Variants in RNF216 observed in about 807,000 individuals in gnomAD.
The protein encoded by RNF216 is E3 ubiquitin-protein ligase RNF216.
In RNF216, 72 loss-of-function variants were observed where a neutral mutation model predicts 110.8. That is an observed-to-expected ratio of 0.65 (90% confidence interval 0.54 to 0.79). The LOEUF (loss-of-function observed/expected upper bound fraction) is 0.79. RNF216 is among the 30% of genes least tolerant of loss of function. The pLI is 0.00. For missense variants in RNF216, 1,342 were observed against 1,141.2 expected, an observed-to-expected ratio of 1.18 and a Z score of -2.54; for synonymous variants, 495 against 407.5, an observed-to-expected ratio of 1.21 and a Z score of -2.59.
chr7:5,639,432 C>A (rs1787597005), intron 15 of RNF216, among the ~76,000 whole-genome samples: 1 of 152,054 alleles, frequency 6.6e-6, no homozygotes, highest in Non-Finnish European at 1.5e-5. Context: ...ACCCAAAGTG[C>A]CGGGATTACA....
chr7:5,654,871 C>T (rs1788635237), intron 13 of RNF216, among the ~76,000 whole-genome samples: 1 of 151,706 alleles, frequency 6.6e-6, no homozygotes, highest in South Asian at 2.1e-4. Flanking sequence ...TAACTATTAC[C>T]CACCGAAACA....
chr7:5,755,854 A>G (rs143765040), intron 2 of RNF216, among the ~76,000 whole-genome samples: 2 of 152,330 alleles, frequency 1.3e-5, no homozygotes, highest in African/African-American at 4.8e-5. Context: ...ATTTTGGCAG[A>G]TAACACTAAA....
chr7:5,716,577 A>G (rs972819499), intron 10 of RNF216, 139 bp downstream of exon 10: 11 of 618,848 alleles, frequency 1.8e-5, no homozygotes, highest in South Asian at 1.7e-4. Context: ...GTATCTGACT[A>G]TAACTTGGCT....
intron 1 of RNF216, among the ~76,000 whole-genome samples, chr7:5,773,129 C>G (rs1489413193): frequency 6.6e-6 from 1 of 152,006 alleles, no homozygotes; most frequent in African/African-American, 2.4e-5. Flanking sequence ...AAGTTTGGGT[C>G]TCTCATTTGA....
At chr7:5,702,753 G>C (rs1203667005) in intron 13 of RNF216, among the ~76,000 whole-genome samples, 1 of 152,166 alleles carries the variant, frequency 6.6e-6, no homozygotes, top group Non-Finnish European at 1.5e-5. Context: ...ATTTTAAAAA[G>C]TGAAAACTGA....
intron 13 of RNF216, among the ~76,000 whole-genome samples, chr7:5,708,065 G>A (rs1792415451): frequency 6.6e-6 from 1 of 152,172 alleles, no homozygotes; most frequent in African/African-American, 2.4e-5. Context: ...TTTTCTTGCT[G>A]TTTGTGATTT....
At chr7:5,781,262 G>A (rs577106987) in intron 1 of RNF216, among the ~76,000 whole-genome samples, 73 of 152,222 alleles carry the variant, frequency 4.8e-4, no homozygotes, top group African/African-American at 1.6e-3. Context: ...GACCCGAGGG[G>A]CCGGCCCGCG....
chr7:5,769,065 A>C (rs1225419307), intron 1 of RNF216, among the ~76,000 whole-genome samples: 1 of 152,028 alleles, frequency 6.6e-6, no homozygotes, highest in Non-Finnish European at 1.5e-5. Context: ...AATATATCAA[A>C]ATTTATGTGA....
chr7:5,660,948 T>C (rs796372959), intron 13 of RNF216, among the ~76,000 whole-genome samples: 1 of 131,592 alleles, frequency 7.6e-6, no homozygotes, highest in South Asian at 2.3e-4. Context: ...CTTAGGTTTT[T>C]TTTTTTTTTT....
intron 15 of RNF216, among the ~76,000 whole-genome samples, chr7:5,631,035 A>T (rs1244248285): frequency 6.6e-6 from 1 of 152,132 alleles, no homozygotes; most frequent in Non-Finnish European, 1.5e-5. Flanking sequence ...GGTGTGCTTT[A>T]TTCTATAAAG....
At chr7:5,673,076 T>A (rs372140840) in intron 13 of RNF216, among the ~76,000 whole-genome samples, 25 of 152,106 alleles carry the variant, frequency 1.6e-4, no homozygotes, top group African/African-American at 5.8e-4. Context: ...TGGGGGCCTA[T>A]GTGCACGGTG....
intron 13 of RNF216, among the ~76,000 whole-genome samples, chr7:5,660,943 G>GTTTTGTTTT (rs1554352520): frequency 4.3e-4 from 39 of 90,148 alleles, no homozygotes; most frequent in African/African-American, 2.1e-3. Context: ...GAAGCCTTAG[G>GTTTTGTTTT]TTTTTTTTTT....
chr7:5,781,417 G>A (rs1305371362), intron 1 of RNF216, 124 bp downstream of exon 1: 3 of 151,588 alleles, frequency 2.0e-5, no homozygotes, highest in Admixed American at 1.3e-4. Context: ...CCTCAGCTCG[G>A]CGGCCCTCAC....
intron 1 of RNF216, among the ~76,000 whole-genome samples, chr7:5,768,968 C>G (rs1796352514): frequency 6.6e-6 from 1 of 151,872 alleles, no homozygotes; most frequent in East Asian, 1.9e-4. Context: ...GCCAAAGCAA[C>G]TTTTAAAATC....
chr7:5,724,562 C>A (rs1287662510), intron 8 of RNF216, among the ~76,000 whole-genome samples: 2 of 152,194 alleles, frequency 1.3e-5, no homozygotes, highest in Admixed American at 6.5e-5. Flanking sequence ...AGCAGAGCCA[C>A]TGCTCCACAG....
intron 3 of RNF216, among the ~76,000 whole-genome samples, chr7:5,750,748 A>G (rs1400093207): frequency 6.6e-6 from 1 of 152,110 alleles, no homozygotes; most frequent in Non-Finnish European, 1.5e-5. Flanking sequence ...TGAGACTCTT[A>G]CTCTCCTTAA....
intron 13 of RNF216, among the ~76,000 whole-genome samples, chr7:5,703,320 CT>C (rs1476459011): frequency 7.9e-5 from 12 of 152,346 alleles, no homozygotes; most frequent in African/African-American, 2.9e-4. Flanking sequence ...GAAGGCCGTG[CT>C]CAGCACAGGA....
chr7:5,779,807 A>C (rs1833485), intron 1 of RNF216, among the ~76,000 whole-genome samples: 76,376 of 140,968 alleles, frequency 0.54, 21,517 homozygotes, highest in East Asian at 0.94. Context: ...TTAGCCTGGG[A>C]AATACAGCCA....
chr7:5,650,061 T>C (rs1035398708), intron 14 of RNF216: 1 of 152,124 alleles, frequency 6.6e-6, no homozygotes. Context: ...GCCAGAAGGT[T>C]AGAGAGAGAA....
Sources: gnomAD v4.1 joint callset for allele counts (sites outside exome capture counted in the v4.1 genomes callset) on GRCh38, gnomAD v4.1.1 for gene constraint, MANE v1.5 for transcripts, NCBI Gene and HGNC (gene_info 2026-07-23, HGNC 2026-07-21) for gene names.